SLC26A9: variants seen among roughly 807,000 people sequenced by gnomAD.
SLC26A9 encodes anion transporter/exchanger protein 9.
A neutral mutation model predicts 87.1 loss-of-function variants in SLC26A9; 46 were observed. That is an observed-to-expected ratio of 0.53 (90% CI 0.42 to 0.67). SLC26A9 has a LOEUF of 0.67. SLC26A9 is among the 30% of genes least tolerant of loss of function. The pLI is 0.00. For missense variants in SLC26A9, 927 were observed against 1,018.3 expected, an observed-to-expected ratio of 0.91 and a Z score of 1.22; for synonymous variants, 437 against 409.1, an observed-to-expected ratio of 1.07 and a Z score of -0.82.
rs190603801 is a variant in SLC26A9 at position 205,915,147 on chromosome 1, G to A, written c.*210C>T. ...GTGGGCTCACCAGACTCTCACTCCTGTAAGGGTAGCACCCCCCTGCTGCTG... is the reference window on the plus strand; with the variant it reads ...GTGGGCTCACCAGACTCTCACTCCTATAAGGGTAGCACCCCCCTGCTGCTG... On this transcript the variant is annotated 3_prime_UTR_variant, in exon 21 of 21. Transcript: ENST00000367135. 3.9e-5 allele frequency: 63 copies of A among 1,613,460 alleles called. No individual in the cohort carries two copies. The Admixed American group carries it at 1.0e-3, about 26-fold the overall frequency.
chr1:205,929,954 C>T lies in SLC26A9; in HGVS notation c.655G>A (p.Val219Met), dbSNP rs1659238965. The T allele has an allele frequency of 6.2e-7, 1 of 1,613,942 alleles. No individual in the cohort carries two copies. The highest frequency in any genetic ancestry group is 8.5e-7 in the Non-Finnish European group (1 of 1,179,860). The change falls in exon 6 of 21, where the codon GTG (valine) becomes ATG (methionine). Residue 219 changes from valine to methionine, a missense_variant. Physicochemically the swap from Val to Met is conservative, Grantham distance 21. Coordinates refer to ENST00000367135, the MANE Select transcript of SLC26A9 (RefSeq NM_052934.4). ...TAAGLQILIS[V>M]LKYIFGLTIP... ...GTCAGTCCGAAGATGTACTTGAGCA[C>T]CGAAATCAGGATCTGCAGGCCGGCG...
At position 205,914,594 on chromosome 1, in the gene SLC26A9, A is replaced by C; in HGVS notation, c.*763T>G. The C allele has an allele frequency of 3.0e-6, 1 of 332,626 alleles. No individual in the cohort carries two copies. The highest frequency in any genetic ancestry group is 5.5e-6 in the Non-Finnish European group (1 of 180,874). The allele number at this position is 332,626 out of a possible 1,614,324, so 20.6% of individuals were successfully genotyped here. The stretch of plus-strand genomic sequence containing the variant: ...TTCTAGCCAGCCTCCAGGGGAAGGG[A>C]GCAGCCTCTGAGGGCAGTGATGTTT... On this transcript the variant is annotated 3_prime_UTR_variant, in exon 21 of 21. Transcript: ENST00000367135.
rs771408472 is a variant in SLC26A9, at chr1:205,924,402, C to T, written c.1477G>A (p.Val493Met). The T allele has an allele frequency of 3.7e-6, 6 of 1,614,126 alleles. No individual in the cohort carries two copies. Among genetic ancestry groups the T allele is most frequent in the Non-Finnish European group, 5.1e-6 (6 of 1,180,008 alleles). The change falls in exon 13 of 21, where the codon GTG (valine) becomes ATG (methionine). Residue 493 changes from valine to methionine, a missense_variant. Transcript: ENST00000367135. ...AVGVAFSVLV[V>M]VFQTQFRNGY... Reference sequence around the variant, plus strand: ...ACTTACAACTGAGTCTGGAAGACCACGACCAGGACGGAGAAGGCGACACCC... The same window carrying T: ...ACTTACAACTGAGTCTGGAAGACCATGACCAGGACGGAGAAGGCGACACCC...
chr1:205,927,441 G>C, intron 10 of SLC26A9, 51 bp downstream of exon 10: 3 of 1,588,134 alleles, frequency 1.9e-6, no homozygotes, highest in Non-Finnish European at 2.6e-6. Context: ...GCTTTTTTGG[G>C]GCAACTGTTC....
In SLC26A9 at chr1:205,927,945, C is replaced by T. The variant is rs759057060; in HGVS notation, c.1058G>A (p.Arg353Gln). 16 of 1,614,070 alleles carry T rather than the reference C, an allele frequency of 9.9e-6. No individual in the cohort carries two copies. The highest frequency in any genetic ancestry group is 9.3e-5 in the African/African-American group (7 of 74,934). The change falls in exon 9 of 21, where the codon CGG (arginine) becomes CAG (glutamine). Residue 353 changes from arginine to glutamine, a missense_variant. Physicochemically the swap from Arg to Gln is conservative, Grantham distance 43 (BLOSUM62 1). Transcript: ENST00000367135. ...VSYVINLAMGRTLANKHGYDV... is the reference protein window; with the variant it reads ...VSYVINLAMGQTLANKHGYDV... ...GTAGCCGTGCTTGTTGGCCAGGGTC[C>T]GGCCCATAGCCAGGTTGATGACGTA... is the stretch of plus-strand genomic sequence containing the variant.
chr1:205,935,400 A>G (rs1009437684), intron 2 of SLC26A9, among the ~76,000 whole-genome samples: 1 of 152,104 alleles, frequency 6.6e-6, no homozygotes, highest in African/African-American at 2.4e-5. Context: ...CTCATCTACC[A>G]TGCCTTAACA....
intron 12 of SLC26A9, among the ~76,000 whole-genome samples, chr1:205,925,722 C>T (rs1035681803): frequency 2.0e-5 from 3 of 152,214 alleles, no homozygotes; most frequent in African/African-American, 7.2e-5. Context: ...CTCTACCACT[C>T]CCTACCTCTG....
At chr1:205,918,755 C>T in intron 19 of SLC26A9, 85 bp downstream of exon 19, 1 of 1,490,338 alleles carries the variant, frequency 6.7e-7, no homozygotes, top group Non-Finnish European at 9.0e-7. Context: ...CTTAAACCTT[C>T]TCCTGTGTTC....
chr1:205,922,461 C>A (rs1169465699), intron 16 of SLC26A9, among the ~76,000 whole-genome samples: 1 of 152,186 alleles, frequency 6.6e-6, no homozygotes, highest in African/African-American at 2.4e-5. Flanking sequence ...TAGCCCTGGG[C>A]TGCCTGGGTT....
At chr1:205,929,607 G>A (rs533439678) in intron 6 of SLC26A9, among the ~76,000 whole-genome samples, 2 of 152,338 alleles carry the variant, frequency 1.3e-5, no homozygotes, top group East Asian at 3.9e-4. Flanking sequence ...AGGAGGGATG[G>A]AGATTAGACA....
At chr1:205,937,462 G>A (rs1659553323) in intron 1 of SLC26A9, among the ~76,000 whole-genome samples, 2 of 152,218 alleles carry the variant, frequency 1.3e-5, no homozygotes, top group African/African-American at 4.8e-5. Flanking sequence ...ACAAGTTTGA[G>A]AGCCAGATGA....
chr1:205,938,251 C>T (rs1272359634), intron 1 of SLC26A9, among the ~76,000 whole-genome samples: 1 of 151,648 alleles, frequency 6.6e-6, no homozygotes, highest in Non-Finnish European at 1.5e-5. Flanking sequence ...TATTTCCTTC[C>T]TTCCTTCCTC....
rs1201909124 is a variant in SLC26A9, at chr1:205,924,669, C to T, written c.1390-180G>A. ...GTATTTGTGCTTTGGTTACACTTTC[C>T]TCTTTCCCTTAGATTGACTGTGGTT... On this transcript the variant is annotated intron_variant, in intron 12 of 20. Transcript: ENST00000367135. 7.1e-5 allele frequency: 41 copies of T among 577,078 alleles called. 2 individuals carry two copies. The South Asian group carries it at 7.8e-4, about 11-fold the overall frequency. The allele number at this position is 577,078 out of a possible 1,614,324, so 35.7% of individuals were successfully genotyped here.
chr1:205,927,787 C>G (rs80313886), intron 9 of SLC26A9, 115 bp downstream of exon 9: 3 of 1,526,246 alleles, frequency 2.0e-6, no homozygotes, highest in Admixed American at 1.9e-5. Flanking sequence ...CCCTATCCCC[C>G]ACACTCGAGG....
intron 6 of SLC26A9, 38 bp from the exon 7 acceptor site, chr1:205,929,394 C>T (rs771049610): frequency 6.9e-6 from 11 of 1,604,844 alleles, no homozygotes; most frequent in Non-Finnish European, 8.5e-6. Flanking sequence ...GCTCCCACCC[C>T]TTCTTCCCAT....
rs201876625 is a variant in SLC26A9 at position 205,929,296 on chromosome 1, G to A, written c.778C>T (p.Leu260Phe). ...AGCACCAGGAAGGCACCGCTGATGA[G>A]AGCGAAGATGAGCGAGGCGATGTTG... ...HTNIASLIFALISGAFLVLVK... is the reference protein window; with the variant it reads ...HTNIASLIFAFISGAFLVLVK... Residue 260 changes from leucine (L) to phenylalanine (F), a missense_variant, in exon 7 of 21, where the codon CTC becomes TTC. Coordinates refer to ENST00000367135, the MANE Select transcript of SLC26A9 (RefSeq NM_052934.4). 4.3e-6 allele frequency: 7 copies of A among 1,614,240 alleles called. No homozygotes were observed. Among genetic ancestry groups the A allele is most frequent in the Non-Finnish European group, 5.1e-6 (6 of 1,180,040 alleles).
chr1:205,941,703 G>A (rs1240462800), intron 1 of SLC26A9, among the ~76,000 whole-genome samples: 1 of 152,156 alleles, frequency 6.6e-6, no homozygotes, highest in Non-Finnish European at 1.5e-5. Context: ...CACTTTCCCT[G>A]CTGGGAATGG....
At chr1:205,935,648 T>C (rs766261722) in intron 2 of SLC26A9, 48 bp downstream of exon 2, 1 of 1,609,892 alleles carries the variant, frequency 6.2e-7, no homozygotes, top group Non-Finnish European at 8.5e-7. Context: ...CAGAAAGGAT[T>C]TTGGTAGGGA....
intron 16 of SLC26A9, among the ~76,000 whole-genome samples, chr1:205,922,137 T>C (rs1271921904): frequency 6.6e-6 from 1 of 152,188 alleles, no homozygotes; most frequent in Non-Finnish European, 1.5e-5. Context: ...CCGGGGACAC[T>C]GAGCTCCTTT....
Sources: gnomAD v4.1 joint callset for allele counts (sites outside exome capture counted in the v4.1 genomes callset) on GRCh38, gnomAD v4.1.1 for gene constraint, MANE v1.5 for transcripts, NCBI Gene and HGNC (gene_info 2026-07-23, HGNC 2026-07-21) for gene names.